Variants in CNTNAP2 observed in about 807,000 individuals in gnomAD.
CNTNAP2 encodes the protein contactin-associated protein-like 2.
A neutral mutation model predicts 155.2 loss-of-function variants in CNTNAP2; 98 were observed. The ratio of observed to expected loss-of-function variants is 0.63; its 90% CI spans 0.54 to 0.75. The LOEUF is 0.75. Ranked by LOEUF, CNTNAP2 falls within the 30% of genes least tolerant of loss-of-function variation. The pLI is 0.00. For missense variants in CNTNAP2, 1,727 were observed against 1,688.1 expected (o/e 1.02, Z -0.40); for synonymous variants, 651 against 631.2 (o/e 1.03, Z -0.47).
intron 13 of CNTNAP2, among the ~76,000 whole-genome samples, chr7:147,654,828 T>TTTTTTC (rs1795502004): frequency 7.0e-6 from 1 of 143,094 alleles, no homozygotes; most frequent in African/African-American, 2.7e-5. Flanking sequence ...TTTTTTTTTT[T>TTTTTTC]TTTGAGACTG....
intron 15 of CNTNAP2, among the ~76,000 whole-genome samples, chr7:148,000,792 A>G (rs1801883191): frequency 1.3e-5 from 2 of 152,226 alleles, no homozygotes; most frequent in Non-Finnish European, 2.9e-5. Flanking sequence ...GGTCTGCCTT[A>G]GCAAATTACC....
At chr7:146,337,562 G>GA (rs1801298497) in intron 1 of CNTNAP2, among the ~76,000 whole-genome samples, 1 of 152,154 alleles carries the variant, frequency 6.6e-6, no homozygotes, top group African/African-American at 2.4e-5. Context: ...AGGCTCATGT[G>GA]ATACTCCAAC....
intron 2 of CNTNAP2, among the ~76,000 whole-genome samples, chr7:146,784,391 T>TA (rs956881520): frequency 8.5e-5 from 13 of 152,218 alleles, no homozygotes; most frequent in African/African-American, 3.1e-4. Context: ...TTCATTATTA[T>TA]AATATGTTTG....
At chr7:148,163,187 T>C (rs1257841538) in intron 17 of CNTNAP2, among the ~76,000 whole-genome samples, 1 of 152,030 alleles carries the variant, frequency 6.6e-6, no homozygotes, top group Non-Finnish European at 1.5e-5. Flanking sequence ...ATAGTAAGAG[T>C]GCAGGCTTAA....
chr7:148,029,567 C>A (rs1802432853), intron 15 of CNTNAP2, among the ~76,000 whole-genome samples: 1 of 152,192 alleles, frequency 6.6e-6, no homozygotes, highest in African/African-American at 2.4e-5. Flanking sequence ...TAAACACATT[C>A]TGAAAACACG....
intron 13 of CNTNAP2, among the ~76,000 whole-genome samples, chr7:147,743,252 A>G (rs1796981409): frequency 6.6e-6 from 1 of 152,152 alleles, no homozygotes; most frequent in South Asian, 2.1e-4. Flanking sequence ...TCCTGGGAAA[A>G]CACACCTGTA....
intron 8 of CNTNAP2, among the ~76,000 whole-genome samples, chr7:147,150,065 G>A (rs569435901): frequency 5.9e-5 from 9 of 152,278 alleles, no homozygotes; most frequent in African/African-American, 1.4e-4. Context: ...TGTTGTGGAC[G>A]TGTCACGTTT....
intron 12 of CNTNAP2, among the ~76,000 whole-genome samples, chr7:147,562,693 A>G (rs1485355964): frequency 6.6e-6 from 1 of 152,192 alleles, no homozygotes; most frequent in African/African-American, 2.4e-5. Context: ...AAGTCCTGAA[A>G]TCCCATTCTG....
At chr7:146,967,948 G>C (rs901568915) in intron 3 of CNTNAP2, among the ~76,000 whole-genome samples, 18 of 149,980 alleles carry the variant, frequency 1.2e-4, no homozygotes, top group African/African-American at 4.1e-4. Context: ...CTGTGGGTTT[G>C]TCATAGATAG....
chr7:146,293,504 T>G (rs1800464495), intron 1 of CNTNAP2, among the ~76,000 whole-genome samples: 3 of 152,210 alleles, frequency 2.0e-5, no homozygotes, highest in African/African-American at 7.2e-5. Flanking sequence ...AGGATGCTTC[T>G]GAAACAATAT....
chr7:147,742,705 T>C (rs558829598), intron 13 of CNTNAP2, among the ~76,000 whole-genome samples: 22 of 152,342 alleles, frequency 1.4e-4, no homozygotes, highest in African/African-American at 5.3e-4. Context: ...ACGTATCTTT[T>C]CCTACTAGCT....
At chr7:147,977,772 G>A (rs1801455071) in intron 14 of CNTNAP2, 90 bp from the exon 15 acceptor site, 1 of 1,552,276 alleles carries the variant, frequency 6.4e-7, no homozygotes, top group Non-Finnish European at 8.9e-7. Flanking sequence ...TTACTGAAAT[G>A]TCATCATTAG....
chr7:147,653,020 A>T (rs2116942864), intron 13 of CNTNAP2, among the ~76,000 whole-genome samples: 1 of 152,350 alleles, frequency 6.6e-6, no homozygotes, highest in Middle Eastern at 3.4e-3. Context: ...AATATGGTTT[A>T]TATAACAATT....
intron 20 of CNTNAP2, 99 bp downstream of exon 20, chr7:148,229,878 A>T (rs140181504): frequency 7.2e-7 from 1 of 1,385,670 alleles, no homozygotes; most frequent in Non-Finnish European, 1.0e-6. Context: ...GGATAGAAGT[A>T]GAAGAGATGC....
chr7:147,177,342 A>T (rs1166355613), intron 8 of CNTNAP2, among the ~76,000 whole-genome samples: 5 of 152,022 alleles, frequency 3.3e-5, no homozygotes, highest in Non-Finnish European at 5.9e-5. Flanking sequence ...GTAAGTTCTC[A>T]CGAGAGCTGA....
intron 21 of CNTNAP2, among the ~76,000 whole-genome samples, chr7:148,291,074 C>T (rs1797180755): frequency 6.6e-6 from 1 of 151,798 alleles, no homozygotes; most frequent in South Asian, 2.1e-4. Context: ...TAGATCTTCA[C>T]CATCTGATGG....
At chr7:147,220,925 G>T (rs1429071738) in intron 8 of CNTNAP2, among the ~76,000 whole-genome samples, 2 of 152,062 alleles carry the variant, frequency 1.3e-5, no homozygotes, top group Non-Finnish European at 2.9e-5. Flanking sequence ...ATGTTGGCCA[G>T]GATGGTCTCA....
intron 2 of CNTNAP2, among the ~76,000 whole-genome samples, chr7:146,809,192 G>C (rs1363057452): frequency 2.6e-5 from 4 of 152,246 alleles, no homozygotes; most frequent in Non-Finnish European, 2.9e-5. Context: ...CAACAGAGGA[G>C]TATAAGCATT....
At chr7:147,001,573 C>T (rs1262820938) in intron 3 of CNTNAP2, among the ~76,000 whole-genome samples, 12 of 151,970 alleles carry the variant, frequency 7.9e-5, no homozygotes, top group Middle Eastern at 3.4e-3. Context: ...AAATTCTGTA[C>T]GTCTTTCCAA....
Sources: gnomAD v4.1 joint callset for allele counts (sites outside exome capture counted in the v4.1 genomes callset) on GRCh38, gnomAD v4.1.1 for gene constraint, MANE v1.5 for transcripts, NCBI Gene and HGNC (gene_info 2026-07-23, HGNC 2026-07-21) for gene names.